HOOK3: variants seen among roughly 807,000 people sequenced by gnomAD.
HOOK3 encodes hook microtubule tethering protein 3, also known as protein Hook homolog 3.
Under a neutral mutation model 116.3 loss-of-function variants are expected in HOOK3, and 24 were observed. The ratio of observed to expected loss-of-function variants is 0.21; its 90% CI spans 0.15 to 0.29. HOOK3 has a LOEUF of 0.29. Ranked by LOEUF, HOOK3 falls within the 10% of genes least tolerant of loss-of-function variation. The probability of loss-of-function intolerance (pLI) is 1.00; values close to 1 mark genes in which losing one functional copy is unlikely to be tolerated. For synonymous variants in HOOK3, 275 were observed against 283.0 expected (o/e 0.97, Z 0.28); for missense variants, 632 against 830.2 (o/e 0.76, Z 2.93).
At chr8:42,902,746 T>C (rs1807216922) in intron 1 of HOOK3, among the ~76,000 whole-genome samples, 2 of 152,234 alleles carry the variant, frequency 1.3e-5, no homozygotes, top group African/African-American at 2.4e-5. Context: ...AAAACTGATA[T>C]TGAGAGAGAT....
At chr8:42,927,298 C>T (rs1807787342) in intron 3 of HOOK3, among the ~76,000 whole-genome samples, 2 of 148,070 alleles carry the variant, frequency 1.4e-5, no homozygotes, top group Admixed American at 1.3e-4. Flanking sequence ...ACCTTGTCAC[C>T]CAGGCTGTAG....
chr8:42,918,677 G>T (rs1807580541), intron 2 of HOOK3, among the ~76,000 whole-genome samples: 1 of 152,144 alleles, frequency 6.6e-6, no homozygotes, highest in South Asian at 2.1e-4. Flanking sequence ...AGCACATCTT[G>T]CACCGCCCTT....
rs1809975992 is a variant in HOOK3, at chr8:43,028,693, T to G, written c.*10195T>G. On this transcript the variant is annotated 3_prime_UTR_variant, in exon 22 of 22. Coordinates refer to ENST00000307602, the MANE Select transcript of HOOK3 (RefSeq NM_032410.4). ...AATGAAAACATTTAAAAATATGTATTAATTTACTTGGCCTGCTACTAAAGT... is the reference window on the plus strand; with the variant it reads ...AATGAAAACATTTAAAAATATGTATGAATTTACTTGGCCTGCTACTAAAGT... 5.1e-6 allele frequency: 1 copy of G among 194,466 alleles called. No homozygotes were observed. The highest frequency in any genetic ancestry group is 1.1e-5 in the Non-Finnish European group (1 of 93,500). 12.0% of individuals were successfully genotyped at this position (194,466 alleles called of 1,614,324 possible).
At chr8:42,914,050 C>T (rs1285888053) in intron 2 of HOOK3, among the ~76,000 whole-genome samples, 11 of 152,182 alleles carry the variant, frequency 7.2e-5, no homozygotes, top group Admixed American at 7.2e-4. Context: ...AACAGCACTG[C>T]TTTGTCAGGC....
At chr8:42,900,743 G>A (rs1407070189) in intron 1 of HOOK3, among the ~76,000 whole-genome samples, 2 of 152,196 alleles carry the variant, frequency 1.3e-5, no homozygotes, top group African/African-American at 4.8e-5. Flanking sequence ...ACTAACTGAT[G>A]TGACTTTGTA....
intron 1 of HOOK3, 101 bp downstream of exon 1, chr8:42,897,289 C>A: frequency 2.5e-6 from 2 of 788,568 alleles, no homozygotes; most frequent in Non-Finnish European, 3.4e-6. Context: ...GGCGACGGTG[C>A]CGTCACATCC....
chr8:42,992,188 C>G (rs1431352536), intron 15 of HOOK3, among the ~76,000 whole-genome samples: 5 of 128,242 alleles, frequency 3.9e-5, no homozygotes, highest in Non-Finnish European at 6.8e-5. Flanking sequence ...ATCACGAGGT[C>G]AGGAGATTGA....
intron 2 of HOOK3, among the ~76,000 whole-genome samples, chr8:42,917,911 A>T (rs892663275): frequency 1.3e-5 from 2 of 152,244 alleles, no homozygotes; most frequent in African/African-American, 4.8e-5. Flanking sequence ...TCTAACACAC[A>T]TTTAATGGCA....
intron 1 of HOOK3, among the ~76,000 whole-genome samples, chr8:42,904,969 A>G (rs1190367887): frequency 6.6e-6 from 1 of 152,192 alleles, no homozygotes; most frequent in Non-Finnish European, 1.5e-5. Context: ...ATTTCCGTCT[A>G]AATCCTGAGT....
chr8:43,006,837 A>G (rs1025607051), intron 17 of HOOK3, among the ~76,000 whole-genome samples: 4 of 152,166 alleles, frequency 2.6e-5, no homozygotes, highest in Admixed American at 2.6e-4. Context: ...GATTTTCTCT[A>G]TCTTCCCATT....
rs1239258543 is a variant in HOOK3 at position 43,018,544 on chromosome 8, T to A, written c.*46T>A. On this transcript the variant is annotated 3_prime_UTR_variant, in exon 22 of 22. Transcript: ENST00000307602. ...ACAGACACCTGCACCCACAACATAC[T>A]TCTGTTACACACAAGAACATTTCAG... is the stretch of plus-strand genomic sequence containing the variant. The A allele has an allele frequency of 2.6e-6, 4 of 1,536,132 alleles. No individual in the cohort carries two copies. The highest frequency in any genetic ancestry group is 3.5e-6 in the Non-Finnish European group (4 of 1,142,588).
At chr8:42,930,270 T>A in intron 4 of HOOK3, 98 bp downstream of exon 4, 1 of 1,077,796 alleles carries the variant, frequency 9.3e-7, no homozygotes, top group Non-Finnish European at 1.3e-6. Context: ...TCAAAATTAA[T>A]AATCAGTTTG....
chr8:42,918,730 G>A (rs1293136956), intron 2 of HOOK3, among the ~76,000 whole-genome samples: 1 of 152,208 alleles, frequency 6.6e-6, no homozygotes, highest in Non-Finnish European at 1.5e-5. Context: ...GTTTCAGAGA[G>A]CAAGGGGTTG....
intron 6 of HOOK3, among the ~76,000 whole-genome samples, chr8:42,956,301 C>T (rs1462667106): frequency 1.3e-5 from 2 of 149,582 alleles, no homozygotes; most frequent in Non-Finnish European, 3.0e-5. Context: ...TTCGCTAATA[C>T]TGATGTTGTC....
chr8:42,962,261 CTTTT>C (rs559919675), intron 8 of HOOK3, among the ~76,000 whole-genome samples: 2 of 117,804 alleles, frequency 1.7e-5, no homozygotes, highest in Admixed American at 8.8e-5. Context: ...ATTTTCATTT[CTTTT>C]TTTTTTTTTT....
chr8:42,951,235 A>G (rs1006481309), intron 6 of HOOK3, among the ~76,000 whole-genome samples: 4 of 151,702 alleles, frequency 2.6e-5, no homozygotes, highest in African/African-American at 9.7e-5. Flanking sequence ...TAGTTTTTGT[A>G]TTTTTAATAG....
At chr8:42,923,986 A>G (rs1343762953) in intron 2 of HOOK3, among the ~76,000 whole-genome samples, 1 of 152,202 alleles carries the variant, frequency 6.6e-6, no homozygotes, top group African/African-American at 2.4e-5. Flanking sequence ...CAGAATAGGT[A>G]AAAATTCTGA....
intron 13 of HOOK3, among the ~76,000 whole-genome samples, chr8:42,979,431 A>G (rs1275874213): frequency 6.6e-6 from 1 of 152,210 alleles, no homozygotes; most frequent in African/African-American, 2.4e-5. Context: ...ACTTCGCTCA[A>G]GGTTTACCCC....
Position 42,899,804 on chromosome 8 carries a change from G to A in HOOK3, c.57+2616G>A, listed in dbSNP as rs557894991. Among the ~76,000 whole-genome samples the A allele has an allele frequency of 5.3e-5, 8 of 152,324 alleles. No homozygotes were observed. The South Asian group carries it at 1.0e-3, about 20-fold the overall frequency. Reference sequence around the variant, plus strand: ...GACAGACAAGATCTAAGAGCTGAATGATTCCGTCTTTGGGATGACAGCCTT... The same window carrying A: ...GACAGACAAGATCTAAGAGCTGAATAATTCCGTCTTTGGGATGACAGCCTT... On this transcript the variant is annotated intron_variant, in intron 1 of 21. Transcript: ENST00000307602.
Sources: allele counts gnomAD v4.1 joint callset (sites outside exome capture counted in the v4.1 genomes callset), GRCh38; gene constraint gnomAD v4.1.1; transcripts MANE v1.5; gene names NCBI Gene and HGNC (gene_info 2026-07-23, HGNC 2026-07-21).